Variants in ANTXRL observed in about 807,000 individuals in gnomAD.
ANTXRL encodes the protein ANTXR like.
Under a neutral mutation model 75.4 loss-of-function variants are expected in ANTXRL, and 63 were observed. That is an observed-to-expected ratio of 0.84 (90% CI 0.68 to 1.03). The LOEUF is 1.03. Ranked by LOEUF, ANTXRL falls within the 50% of genes least tolerant of loss-of-function variation. ANTXRL has a pLI of 0.00. For synonymous variants in ANTXRL, 335 were observed against 291.3 expected (o/e 1.15, Z -1.53); for missense variants, 797 against 789.4 (o/e 1.01, Z -0.12).
At chr10:46,295,333 A>G (rs565684874) in intron 3 of ANTXRL, among the ~76,000 whole-genome samples, 1 of 152,298 alleles carries the variant, frequency 6.6e-6, no homozygotes, top group East Asian at 1.9e-4. Flanking sequence ...CGGAGTGCCC[A>G]ACACAACAGC....
chr10:46,315,684 TTGA>T lies in ANTXRL; in HGVS notation c.1410+2372_1410+2374del, dbSNP rs369047570. Among the ~76,000 whole-genome samples the T allele has an allele frequency of 7.9e-5, 12 of 152,270 alleles. No individual in the cohort carries two copies. In the East Asian group the frequency reaches 1.7e-3, roughly 22 times the overall value. ...TGGGGAGTGTGATAAGCTCGGGAAG[TTGA>T]TGAGCCTGTTTGACTGGAATGTGCT... is the stretch of plus-strand genomic sequence containing the variant. On this transcript the variant is annotated intron_variant, in intron 16 of 16. Coordinates refer to ENST00000620264, the MANE Select transcript of ANTXRL (RefSeq NM_001278688.3).
chr10:46,293,320 CTGTGTGTGAGTGTGTGCG>C (rs1837119381), intron 2 of ANTXRL, among the ~76,000 whole-genome samples: 1 of 70,566 alleles, frequency 1.4e-5, no homozygotes, highest in Non-Finnish European at 3.2e-5. Context: ...GCGTGTGTGC[CTGTGTGTGAGTGTGTGCG>C]TGTGTGCGTG....
intron 16 of ANTXRL, among the ~76,000 whole-genome samples, chr10:46,314,958 T>C (rs1838641880): frequency 6.6e-6 from 1 of 152,136 alleles, no homozygotes; most frequent in Admixed American, 6.6e-5. Context: ...TAATTTGACC[T>C]TGTGCTTCCC....
At chr10:46,327,231 C>T (rs782273434) in intron 16 of ANTXRL, among the ~76,000 whole-genome samples, 2 of 152,088 alleles carry the variant, frequency 1.3e-5, no homozygotes, top group Non-Finnish European at 2.9e-5. Flanking sequence ...ATGGAGACCC[C>T]AGGAACCTGG....
rs1554967092 is a variant in ANTXRL, at chr10:46,329,587, T to C, written c.1411-12T>C. 2.0e-6 allele frequency: 3 copies of C among 1,532,746 alleles called. No homozygotes were observed. The highest frequency in any genetic ancestry group is 2.6e-6 in the Non-Finnish European group (3 of 1,144,144). 94.9% of individuals were successfully genotyped at this position (1,532,746 alleles called of 1,614,324 possible). ...CATCACGGTGACCTTCTCTCTCTTCTCTTCCCTACAGGGGAGGTACCTCAG... is the reference window on the plus strand; with the variant it reads ...CATCACGGTGACCTTCTCTCTCTTCCCTTCCCTACAGGGGAGGTACCTCAG... On this transcript the variant is annotated splice_polypyrimidine_tract_variant and intron_variant, in intron 16 of 16. Transcript: ENST00000620264.
At chr10:46,317,846 G>C (rs1280175905) in intron 16 of ANTXRL, among the ~76,000 whole-genome samples, 1 of 152,126 alleles carries the variant, frequency 6.6e-6, no homozygotes, top group Non-Finnish European at 1.5e-5. Flanking sequence ...CTTTACCTTA[G>C]AGTGGTTGAG....
At position 46,316,859 on chromosome 10, in the gene ANTXRL, A is replaced by C. The variant is rs926352920; in HGVS notation, c.1410+3543A>C. On this transcript the variant is annotated intron_variant, in intron 16 of 16. Transcript: ENST00000620264. ...GCATGTTGTTGCTATGGCTGCAGGG[A>C]ATTTTTCTGGGTACTTCAGTTTCTG... 2.6e-5 allele frequency among the ~76,000 whole-genome samples: 4 copies of C among 152,156 alleles called. No individual in the cohort carries two copies. In the South Asian group the frequency reaches 6.2e-4, roughly 24 times the overall value.
intron 16 of ANTXRL, among the ~76,000 whole-genome samples, chr10:46,322,489 G>A (rs1554965770): frequency 6.6e-6 from 1 of 151,118 alleles, no homozygotes; most frequent in Non-Finnish European, 1.5e-5. Context: ...TGCCCATCAA[G>A]TGGTGAAAAT....
intron 16 of ANTXRL, among the ~76,000 whole-genome samples, chr10:46,324,595 G>A (rs896938554): frequency 2.0e-5 from 3 of 152,100 alleles, no homozygotes; most frequent in East Asian, 3.8e-4. Context: ...AATTTCATTA[G>A]GTTTTAGCGT....
At chr10:46,290,045 C>CTTTTTTTTTTTTTTTTT in intron 1 of ANTXRL, among the ~76,000 whole-genome samples, 1 of 119,650 alleles carries the variant, frequency 8.4e-6, no homozygotes, top group East Asian at 2.4e-4. Context: ...TTTTCTTTAT[C>CTTTTTTTTTTTTTTTTT]TTTTTTTTTT....
intron 13 of ANTXRL, among the ~76,000 whole-genome samples, chr10:46,309,996 C>T (rs1486773437): frequency 2.0e-5 from 3 of 152,096 alleles, no homozygotes; most frequent in African/African-American, 7.2e-5. Flanking sequence ...GAGCGCAGAG[C>T]TCAGCCCAGG....
rs1215261686 is a variant in ANTXRL at position 46,298,018 on chromosome 10, G to T, written c.752G>T (p.Cys251Phe). The T allele has an allele frequency of 2.0e-6, 3 of 1,535,800 alleles. No individual in the cohort carries two copies. The highest frequency in any genetic ancestry group is 2.6e-6 in the Non-Finnish European group (3 of 1,146,728). The change falls in exon 9 of 17, where the codon TGT becomes TTT. Residue 251 changes from cysteine to phenylalanine, a missense_variant. Physicochemically the swap from Cys to Phe is radical, Grantham distance 205. Coordinates refer to ENST00000620264, the MANE Select transcript of ANTXRL (RefSeq NM_001278688.3). ...STIDALTSKV[C>F]LDVTSVEPSS... is the part of the protein sequence containing the mutation. ...GTGTTCCAGCTCACGTCAAAGGTCT[G>T]TCTTGATGTGACATCGGTGGAGCCT...
At chr10:46,322,556 T>C (rs563368309) in intron 16 of ANTXRL, among the ~76,000 whole-genome samples, 1 of 152,202 alleles carries the variant, frequency 6.6e-6, no homozygotes, top group East Asian at 1.9e-4. Context: ...AAACCAAACA[T>C]TGATTATAAA....
At chr10:46,310,121 G>A (rs1439679485) in intron 13 of ANTXRL, among the ~76,000 whole-genome samples, 4 of 152,150 alleles carry the variant, frequency 2.6e-5, no homozygotes, top group Non-Finnish European at 5.9e-5. Context: ...TCTCCCTAAG[G>A]AAGGGAAGTG....
intron 9 of ANTXRL, among the ~76,000 whole-genome samples, 187 bp downstream of exon 9, chr10:46,298,249 T>C (rs1837507937): frequency 6.6e-6 from 1 of 151,904 alleles, no homozygotes; most frequent in African/African-American, 2.4e-5. Flanking sequence ...TTTGTGTGGG[T>C]GCAGTATGTG....
At chr10:46,292,157 C>A in intron 2 of ANTXRL, 28 bp downstream of exon 2, 1 of 1,533,626 alleles carries the variant, frequency 6.5e-7, no homozygotes, top group South Asian at 1.2e-5. Context: ...GCAGCCTCCC[C>A]TGAGCTGCAG....
intron 16 of ANTXRL, among the ~76,000 whole-genome samples, chr10:46,314,070 A>G (rs1279040550): frequency 6.6e-6 from 1 of 152,138 alleles, no homozygotes; most frequent in African/African-American, 2.4e-5. Context: ...TTTCATCACC[A>G]GGGTTTATAG....
chr10:46,308,007 G>T (rs1162502752), intron 12 of ANTXRL, among the ~76,000 whole-genome samples: 1 of 152,174 alleles, frequency 6.6e-6, no homozygotes, highest in African/African-American at 2.4e-5. Flanking sequence ...AGGCCCCTGG[G>T]AATGGAGATG....
rs1307022909 is a variant in ANTXRL at position 46,306,249 on chromosome 10, C to T, written c.896-554C>T. 3.9e-5 allele frequency among the ~76,000 whole-genome samples: 6 copies of T among 152,222 alleles called. No homozygotes were observed. The East Asian group carries it at 9.6e-4, about 24-fold the overall frequency. On this transcript the variant is annotated intron_variant, in intron 10 of 16. Coordinates refer to ENST00000620264, the MANE Select transcript of ANTXRL (RefSeq NM_001278688.3). The stretch of plus-strand genomic sequence containing the variant: ...TCATTCATGGAAGTTTGCAACACTA[C>T]ACAAAATAACAAGAATTGTGCAATG...
Sources: gnomAD v4.1 joint callset for allele counts (sites outside exome capture counted in the v4.1 genomes callset) on GRCh38, gnomAD v4.1.1 for gene constraint, MANE v1.5 for transcripts, NCBI Gene and HGNC (gene_info 2026-07-23, HGNC 2026-07-21) for gene names.